The following SLIT2 variants were observed in gnomAD, a reference collection of about 807,000 sequenced individuals.
SLIT2 encodes slit guidance ligand 2.
A neutral mutation model predicts 185.7 loss-of-function variants in SLIT2; 41 were observed. The observed-to-expected ratio is 0.22, with a 90% CI of 0.17 to 0.29. The LOEUF (loss-of-function observed/expected upper bound fraction) is 0.29. Among genes scored for constraint, SLIT2 ranks in the 10% least tolerant of loss-of-function variants. The probability of loss-of-function intolerance (pLI) is 1.00; values close to 1 mark genes in which losing one functional copy is unlikely to be tolerated. For synonymous variants in SLIT2, 693 were observed against 680.2 expected (o/e 1.02, Z -0.29); for missense variants, 1,571 against 1,909.0 (o/e 0.82, Z 3.30).
intron 19 of SLIT2, among the ~76,000 whole-genome samples, chr4:20,540,288 A>T (rs993170703): frequency 4.0e-5 from 6 of 151,718 alleles, no homozygotes; most frequent in Non-Finnish European, 5.9e-5. Flanking sequence ...ACTCCATCTC[A>T]AGGAAAAAAA....
At chr4:20,594,165 GTA>G (rs1035278315) in intron 30 of SLIT2, among the ~76,000 whole-genome samples, 1 of 147,642 alleles carries the variant, frequency 6.8e-6, no homozygotes, top group Non-Finnish European at 1.5e-5. Flanking sequence ...ATGTATGTGT[GTA>G]TATATGTATG....
chr4:20,291,463 TATATATATATATATATATATATATATATA>T (rs1418533904), intron 4 of SLIT2, among the ~76,000 whole-genome samples: 29 of 26,720 alleles, frequency 1.1e-3, no homozygotes, highest in Non-Finnish European at 1.6e-3. Flanking sequence ...TATATATATA[TATATATATATATATATATATATATATATA>T]TTTTTTTTTT....
chr4:20,254,924 C>A lies in SLIT2; in HGVS notation c.179+930C>A, dbSNP rs1380542470. On this transcript the variant is annotated intron_variant, in intron 1 of 36. Coordinates refer to ENST00000504154, the MANE Select transcript of SLIT2 (RefSeq NM_004787.4). The surrounding 1 kb of genome is among the most constrained non-coding windows in gnomAD (Gnocchi z 5.1). ...AGACGTCCCCGCCTCCCTGTCTTTG[C>A]GAGTCTCTAATGAAGAAGTAAATGC... The A allele has an allele frequency of 4.4e-6, 2 of 456,272 alleles. No individual in the cohort carries two copies. Among genetic ancestry groups the A allele is most frequent in the Non-Finnish European group, 8.8e-6 (2 of 226,948 alleles). 28.3% of individuals were successfully genotyped at this position (456,272 alleles called of 1,614,324 possible). A position where few individuals can be genotyped will look rare whatever the true frequency, so the allele number is the denominator to read the frequency against.
In SLIT2 at chr4:20,461,373, A is replaced by G. The variant is rs75475748; in HGVS notation, c.396-6379A>G. On this transcript the variant is annotated intron_variant, in intron 4 of 36. Coordinates refer to ENST00000504154, the MANE Select transcript of SLIT2 (RefSeq NM_004787.4). ...ACCCTAAGGAGGCCAATGTGGCTGAAATAGAGAGAATGAAAGAAAGGATAA... is the reference window on the plus strand; with the variant it reads ...ACCCTAAGGAGGCCAATGTGGCTGAGATAGAGAGAATGAAAGAAAGGATAA... Among the ~76,000 whole-genome samples, 603 of 152,302 alleles carry G rather than the reference A, an allele frequency of 4.0e-3. 3 individuals carry two copies. Among genetic ancestry groups the G allele is most frequent in the African/African-American group, 0.014 (584 of 41,576 alleles).
At chr4:20,377,804 C>T (rs1359888228) in intron 4 of SLIT2, among the ~76,000 whole-genome samples, 1 of 152,072 alleles carries the variant, frequency 6.6e-6, no homozygotes, top group East Asian at 1.9e-4. Context: ...CTTAGTCCTG[C>T]CCATATCTAA....
rs569902993 is a variant in SLIT2 at position 20,614,425 on chromosome 4, G to T, written c.3848-2485G>T. On this transcript the variant is annotated intron_variant, in intron 34 of 36. Transcript: ENST00000504154. ...TTATCTGTTGGTTGATTGATTGATT[G>T]GCTGATTGATTGAATGATTTCCAAC... 4.6e-5 allele frequency among the ~76,000 whole-genome samples: 7 copies of T among 152,140 alleles called. No homozygotes were observed. The South Asian group carries it at 1.4e-3, about 32-fold the overall frequency.
intron 33 of SLIT2, among the ~76,000 whole-genome samples, chr4:20,603,173 A>G (rs542186327): frequency 3.7e-4 from 57 of 152,330 alleles, no homozygotes; most frequent in African/African-American, 1.3e-3. Flanking sequence ...AATGTCTTAC[A>G]TGGTGGCAGA....
chr4:20,477,046 A>G (rs1716178279), intron 5 of SLIT2, among the ~76,000 whole-genome samples: 1 of 151,956 alleles, frequency 6.6e-6, no homozygotes. Flanking sequence ...TAATATATGG[A>G]GCCCATCGAC....
At chr4:20,418,751 A>C (rs935269014) in intron 4 of SLIT2, among the ~76,000 whole-genome samples, 2 of 152,172 alleles carry the variant, frequency 1.3e-5, no homozygotes, top group African/African-American at 2.4e-5. Flanking sequence ...TTAATTACTG[A>C]AAAGTCATTT....
Position 20,478,966 on chromosome 4 carries a change from C to T in SLIT2, c.468-1750C>T, listed in dbSNP as rs544035942. 1.1e-4 allele frequency among the ~76,000 whole-genome samples: 16 copies of T among 152,102 alleles called. No individual in the cohort carries two copies. In the South Asian group the frequency reaches 2.5e-3, roughly 24 times the overall value. ...ATCATGAGACTTTAAATGTCTTCTTCGAAAATAAAATACTTCTGCATTATG... is the reference window on the plus strand; with the variant it reads ...ATCATGAGACTTTAAATGTCTTCTTTGAAAATAAAATACTTCTGCATTATG... On this transcript the variant is annotated intron_variant, in intron 5 of 36. Coordinates refer to ENST00000504154, the MANE Select transcript of SLIT2 (RefSeq NM_004787.4).
At chr4:20,479,280 A>C (rs746341920) in intron 5 of SLIT2, among the ~76,000 whole-genome samples, 2 of 152,196 alleles carry the variant, frequency 1.3e-5, no homozygotes, top group Non-Finnish European at 2.9e-5. Flanking sequence ...GAAGAGGCCC[A>C]TCTGAAAGTC....
chr4:20,480,704 T>C lies in SLIT2; in HGVS notation c.468-12T>C, dbSNP rs752988776. On this transcript the variant is annotated splice_polypyrimidine_tract_variant and intron_variant, in intron 5 of 36. Transcript: ENST00000504154. ...ATCCCTTCTACATATATTCTTCTAA[T>C]CTTTTTAACAGGCAACTGGATTACA... The C allele has an allele frequency of 1.2e-6, 2 of 1,608,308 alleles. No homozygotes were observed. The highest frequency in any genetic ancestry group is 1.7e-6 in the Non-Finnish European group (2 of 1,174,918).
At chr4:20,592,070 C>T (rs749257480) in intron 30 of SLIT2, among the ~76,000 whole-genome samples, 2 of 152,136 alleles carry the variant, frequency 1.3e-5, no homozygotes, top group African/African-American at 2.4e-5. Context: ...CTGTTACTCC[C>T]GACATTGTGG....
chr4:20,370,729 C>T (rs1337715777), intron 4 of SLIT2, among the ~76,000 whole-genome samples: 3 of 152,130 alleles, frequency 2.0e-5, no homozygotes, highest in Non-Finnish European at 2.9e-5. Context: ...TGGAAGTGGA[C>T]TGATCTGGAT....
intron 29 of SLIT2, among the ~76,000 whole-genome samples, chr4:20,569,949 G>A (rs1725428422): frequency 6.6e-6 from 1 of 152,044 alleles, no homozygotes; most frequent in African/African-American, 2.4e-5. Context: ...ACATACATCT[G>A]TATAATTAAA....
intron 4 of SLIT2, among the ~76,000 whole-genome samples, chr4:20,433,847 G>A (rs945928214): frequency 1.3e-5 from 2 of 152,226 alleles, no homozygotes; most frequent in South Asian, 4.2e-4. Context: ...TTTAATTACT[G>A]TGAGTGATAC....
intron 4 of SLIT2, among the ~76,000 whole-genome samples, chr4:20,328,552 G>A (rs926376139): frequency 1.3e-5 from 2 of 151,644 alleles, no homozygotes; most frequent in Non-Finnish European, 2.9e-5. Context: ...TGCCAGTTTT[G>A]CTGCAATAAA....
In SLIT2 at chr4:20,567,280, T is replaced by C. The variant is rs1725168470; in HGVS notation, c.2744T>C (p.Ile915Thr). 6.2e-7 allele frequency: 1 copy of C among 1,609,676 alleles called. No homozygotes were observed. Among genetic ancestry groups the C allele is most frequent in the African/African-American group, 1.3e-5 (1 of 74,424 alleles). The change falls in exon 27 of 37, where the codon ATT becomes ACT. Residue 915 changes from isoleucine (I) to threonine (T), a missense_variant. Around this residue, in one of 3 missense-constraint regions of SLIT2, gnomAD observed 1,202 missense variants for 1,416.4 expected, o/e 0.85. Transcript: ENST00000504154. The stretch of plus-strand genomic sequence containing the variant: ...TTTTCAGGTCCTGTGGATGTCAATA[T>C]TCTAGCTAAGTGTAACCCCTGCCTA... ...FTCQGPVDVN[I>T]LAKCNPCLSN...
At chr4:20,450,785 A>G (rs1453553148) in intron 4 of SLIT2, among the ~76,000 whole-genome samples, 1 of 152,212 alleles carries the variant, frequency 6.6e-6, no homozygotes, top group Non-Finnish European at 1.5e-5. Flanking sequence ...TGTAAATCCA[A>G]CACTTGGTTT....
Sources: allele counts gnomAD v4.1 joint callset (sites outside exome capture counted in the v4.1 genomes callset), GRCh38; gene constraint gnomAD v4.1.1; regional missense constraint gnomAD v4.1.1; non-coding constraint Gnocchi (gnomAD v3.1); transcripts MANE v1.5; gene names NCBI Gene and HGNC (gene_info 2026-07-23, HGNC 2026-07-21).